The following TMEM269 variants were observed in gnomAD, a reference collection of about 807,000 sequenced individuals.
TMEM269 encodes the protein transmembrane protein 269.
Under a neutral mutation model 15.8 loss-of-function variants are expected in TMEM269, and 12 were observed. That is an observed-to-expected ratio of 0.76 (90% CI 0.49 to 1.23). The LOEUF is 1.23. TMEM269 is among the 50% of genes most tolerant of loss of function. TMEM269 has a pLI of 0.00. For missense variants in TMEM269, 211 were observed against 245.4 expected (o/e 0.86, Z 0.94); for synonymous variants, 93 against 99.3 (o/e 0.94, Z 0.38).
chr1:42,798,279 C>T lies in TMEM269; in HGVS notation c.*54C>T. ...CCGGCCTCTGTGGGGTTTGTGTCAG[C>T]ATATTGGGTCAAGCCTGCACTAAAG... On this transcript the variant is annotated 3_prime_UTR_variant, in exon 6 of 6. Transcript: ENST00000637012. The T allele has an allele frequency of 3.3e-6, 5 of 1,536,744 alleles. No individual in the cohort carries two copies. In the Middle Eastern group the frequency reaches 5.5e-4, roughly 170 times the overall value.
chr1:42,792,970 C>A (rs1433115302), intron 3 of TMEM269, 68 bp downstream of exon 3: 1 of 1,185,478 alleles, frequency 8.4e-7, no homozygotes, highest in Non-Finnish European at 1.2e-6. Context: ...CCCCTTCGTC[C>A]ATCCTCTAAC....
Position 42,799,952 on chromosome 1 carries a change from C to A in TMEM269, c.*1727C>A, listed in dbSNP as rs567458018. 4.6e-5 allele frequency: 7 copies of A among 152,248 alleles called. No individual in the cohort carries two copies. The East Asian group carries it at 1.3e-3, about 29-fold the overall frequency. The allele number at this position is 152,248 out of a possible 1,614,324, so 9.4% of individuals were successfully genotyped here. A position where few individuals can be genotyped will look rare whatever the true frequency, so the allele number is the denominator to read the frequency against. On this transcript the variant is annotated 3_prime_UTR_variant, in exon 6 of 6. Transcript: ENST00000637012. Reference sequence around the variant, plus strand: ...AACATTTGAGATTAGCCAATTATGTCGTATTCTTAAATCAAATTAGGTATC... The same window carrying A: ...AACATTTGAGATTAGCCAATTATGTAGTATTCTTAAATCAAATTAGGTATC...
In TMEM269 at chr1:42,799,143, G is replaced by C. The variant is rs930510685; in HGVS notation, c.*918G>C. The C allele has an allele frequency of 6.6e-6, 1 of 151,934 alleles. No individual in the cohort carries two copies. Among genetic ancestry groups the C allele is most frequent in the African/African-American group, 2.4e-5 (1 of 41,368 alleles). The allele number at this position is 151,934 out of a possible 1,614,324, so 9.4% of individuals were successfully genotyped here. On this transcript the variant is annotated 3_prime_UTR_variant, in exon 6 of 6. Transcript: ENST00000637012. Reference sequence around the variant, plus strand: ...GGCATCATCTGGCTTGCAGGATCTCGTGTGGATTTTCTTTCCTACGCTGGA... The same window carrying C: ...GGCATCATCTGGCTTGCAGGATCTCCTGTGGATTTTCTTTCCTACGCTGGA...
Position 42,796,364 on chromosome 1 carries a change from C to G in TMEM269, c.485-1734C>G, listed in dbSNP as rs187613485. Reference sequence around the variant, plus strand: ...GGAAACTGCACCTTACAGATTTTGACAACAGTTAATACCAGAGCCCTACTG... The same window carrying G: ...GGAAACTGCACCTTACAGATTTTGAGAACAGTTAATACCAGAGCCCTACTG... On this transcript the variant is annotated intron_variant, in intron 5 of 5. Coordinates refer to ENST00000637012, the MANE Select transcript of TMEM269 (RefSeq NM_001354602.2). Among the ~76,000 whole-genome samples the G allele has an allele frequency of 1.2e-3, 188 of 152,230 alleles. 1 individual carries two copies. The highest frequency in any genetic ancestry group is 4.1e-4 in the Non-Finnish European group (28 of 68,028).
In TMEM269 at chr1:42,799,764, A is replaced by C. The variant is rs896179495; in HGVS notation, c.*1539A>C. On this transcript the variant is annotated 3_prime_UTR_variant, in exon 6 of 6. Coordinates refer to ENST00000637012, the MANE Select transcript of TMEM269 (RefSeq NM_001354602.2). ...AATACAATGTCCTTCAATGCTGTAC[A>C]TCCATTTCAATGTGATGCTCCCCTT... is the stretch of plus-strand genomic sequence containing the variant. The C allele has an allele frequency of 3.3e-5, 5 of 152,218 alleles. No homozygotes were observed. Among genetic ancestry groups the C allele is most frequent in the African/African-American group, 1.2e-4 (5 of 41,458 alleles). The allele number at this position is 152,218 out of a possible 1,614,324, so 9.4% of individuals were successfully genotyped here. A position where few individuals can be genotyped will look rare whatever the true frequency, so the allele number is the denominator to read the frequency against.
chr1:42,789,651 C>T (rs1372853276), intron 1 of TMEM269, 145 bp from the exon 2 acceptor site: 2 of 809,382 alleles, frequency 2.5e-6, no homozygotes, highest in Non-Finnish European at 4.1e-6. Flanking sequence ...CTTCATCTAC[C>T]TCCTGTCTCC....
rs138161040 is a variant in TMEM269, at chr1:42,799,906, C to T, written c.*1681C>T. 123 of 152,292 alleles carry T rather than the reference C, an allele frequency of 8.1e-4. 1 individual carries two copies. The highest frequency in any genetic ancestry group is 2.9e-3 in the African/African-American group (122 of 41,564). The allele number at this position is 152,292 out of a possible 1,614,324, so 9.4% of individuals were successfully genotyped here. On this transcript the variant is annotated 3_prime_UTR_variant, in exon 6 of 6. Coordinates refer to ENST00000637012, the MANE Select transcript of TMEM269 (RefSeq NM_001354602.2). Reference sequence around the variant, plus strand: ...AGCGAAAAACAGGTTTTATTCTGAACTAAATTTTTTCCAAAAACCTAACAT... The same window carrying T: ...AGCGAAAAACAGGTTTTATTCTGAATTAAATTTTTTCCAAAAACCTAACAT...
chr1:42,793,587 G>A lies in TMEM269; in HGVS notation c.140-14G>A. The A allele has an allele frequency of 1.3e-6, 2 of 1,545,834 alleles. No individual in the cohort carries two copies. Among genetic ancestry groups the A allele is most frequent in the Non-Finnish European group, 1.7e-6 (2 of 1,144,842 alleles). ...GGAGTATAAGTTCTTCTAACCTTGG[G>A]CCGTCTGGGGCAGGAGCCGAGCTGA... On this transcript the variant is annotated splice_polypyrimidine_tract_variant and intron_variant, in intron 3 of 5. Transcript: ENST00000637012.
chr1:42,790,597 T>G (rs1303025165), intron 2 of TMEM269, among the ~76,000 whole-genome samples: 1 of 7,712 alleles, frequency 1.3e-4, no homozygotes, highest in South Asian at 1.5e-3. Context: ...TTTAAGAAAC[T>G]TTTTTTTTTT....
intron 5 of TMEM269, among the ~76,000 whole-genome samples, chr1:42,796,336 G>A (rs566788991): frequency 6.6e-6 from 1 of 152,184 alleles, no homozygotes; most frequent in East Asian, 1.9e-4. Context: ...TGTGAGTAAG[G>A]GAGGAAACTG....
At position 42,794,592 on chromosome 1, in the gene TMEM269, A is replaced by T; in HGVS notation, c.463A>T (p.Lys155Ter). The T allele has an allele frequency of 1.3e-6, 2 of 1,550,804 alleles. No homozygotes were observed. The highest frequency in any genetic ancestry group is 1.7e-6 in the Non-Finnish European group (2 of 1,147,008). ...YDKILESENW[K>*]KLVYIGGVIM... ...CAAAATCCTGGAGTCTGAGAACTGG[A>T]AAAAATTGGTTTATATAGGAGGTGA... The change falls in exon 5 of 6, where the codon AAA becomes TAA. Residue 155 changes from lysine (K) to a stop codon, truncating the protein, a stop_gained. Coordinates refer to ENST00000637012, the MANE Select transcript of TMEM269 (RefSeq NM_001354602.2). LOFTEE classifies it high-confidence loss of function.
chr1:42,798,099 TG>T lies in TMEM269; in HGVS notation c.487del (p.Val163SerfsTer17), dbSNP rs376731507. 1,116 of 1,551,152 alleles carry T rather than the reference TG, an allele frequency of 7.2e-4. 4 individuals are homozygous for T. In the African/African-American group the frequency reaches 0.014, roughly 19 times the overall value. ...NWKKLVYIGG[V>X]IMLFFSPLSL... The stretch of plus-strand genomic sequence containing the variant: ...TGTCTGCACTTTTTGTTCTTCCAGG[TG>T]TCATCATGCTGTTTTTCTCCCCATT... On this transcript the variant is annotated frameshift_variant and splice_region_variant, in exon 6 of 6. Transcript: ENST00000637012. LOFTEE classifies it high-confidence loss of function.
At position 42,785,958 on chromosome 1, in the gene TMEM269, G is replaced by T. The variant is rs568540245; in HGVS notation, c.-99+876G>T. On this transcript the variant is annotated intron_variant, in intron 1 of 5. Coordinates refer to ENST00000637012, the MANE Select transcript of TMEM269 (RefSeq NM_001354602.2). ...AGACTCTGAGCTGCTGGAGTGTGCG[G>T]CCTGGCTCTTGTTCTCCTCATCCCC... Among the ~76,000 whole-genome samples the T allele has an allele frequency of 4.6e-5, 7 of 152,264 alleles. No homozygotes were observed. The East Asian group carries it at 1.4e-3, about 29-fold the overall frequency.
chr1:42,785,235 A>G (rs1027173383), intron 1 of TMEM269, among the ~76,000 whole-genome samples, 153 bp downstream of exon 1: 60 of 152,154 alleles, frequency 3.9e-4, no homozygotes, highest in African/African-American at 1.4e-3. Context: ...ACCACGTCCC[A>G]TCCCCAGAGG....
intron 5 of TMEM269, 25 bp downstream of exon 5, chr1:42,794,638 AG>A (rs1557593116): frequency 6.7e-7 from 1 of 1,503,602 alleles, no homozygotes; most frequent in Non-Finnish European, 9.1e-7. Context: ...CACTATGGCC[AG>A]TTTGTTATCA....
At chr1:42,785,437 A>G (rs1461273650) in intron 1 of TMEM269, among the ~76,000 whole-genome samples, 2 of 152,134 alleles carry the variant, frequency 1.3e-5, no homozygotes, top group African/African-American at 2.4e-5. Context: ...CCTCAGAGCC[A>G]TATTCAACTC....
At chr1:42,791,035 A>C (rs1653676684) in intron 2 of TMEM269, among the ~76,000 whole-genome samples, 1 of 152,168 alleles carries the variant, frequency 6.6e-6, no homozygotes, top group Admixed American at 6.5e-5. Context: ...GGAGGCACAG[A>C]ATCAAGAATG....
In TMEM269 at chr1:42,797,190, A is replaced by G. The variant is rs1487353876; in HGVS notation, c.485-908A>G. 6.6e-6 allele frequency among the ~76,000 whole-genome samples: 1 copy of G among 152,154 alleles called. No individual in the cohort carries two copies. Among genetic ancestry groups the G allele is most frequent in the Non-Finnish European group, 1.5e-5 (1 of 68,026 alleles). On this transcript the variant is annotated intron_variant, in intron 5 of 5. Coordinates refer to ENST00000637012, the MANE Select transcript of TMEM269 (RefSeq NM_001354602.2). This position sits in a 1 kb window ranked among gnomAD's most constrained non-coding sequence, Gnocchi z 4.9. ...ATGCAAATTGTGTTGGGAGTCCCCA[A>G]GACCACCCCTGAGAAGACTCACAGG...
In TMEM269 at chr1:42,798,501, G is replaced by A; in HGVS notation, c.*276G>A. ...TCAAGCTCAATGTGGGCTGGGTTTG[G>A]GTTCCAGCTCCATTACCAGCCGGGT... On this transcript the variant is annotated 3_prime_UTR_variant, in exon 6 of 6. Transcript: ENST00000637012. 1 of 386,604 alleles carries A rather than the reference G, an allele frequency of 2.6e-6. No individual in the cohort carries two copies. The highest frequency in any genetic ancestry group is 4.9e-5 in the East Asian group (1 of 20,518). The allele number at this position is 386,604 out of a possible 1,614,324, so 23.9% of individuals were successfully genotyped here. A position where few individuals can be genotyped will look rare whatever the true frequency, so the allele number is the denominator to read the frequency against.
Sources: gnomAD v4.1 joint callset for allele counts (sites outside exome capture counted in the v4.1 genomes callset) on GRCh38, gnomAD v4.1.1 for gene constraint, Gnocchi (gnomAD v3.1) non-coding constraint, MANE v1.5 for transcripts, NCBI Gene and HGNC (gene_info 2026-07-23, HGNC 2026-07-21) for gene names.